Variants in CTNNA3 observed in about 807,000 individuals in gnomAD.
CTNNA3 encodes catenin alpha 3, also known as catenin alpha-3.
In CTNNA3, 76 loss-of-function variants were observed where a neutral mutation model predicts 95.7. The observed-to-expected ratio is 0.79, with a 90% CI of 0.66 to 0.96. The LOEUF (loss-of-function observed/expected upper bound fraction) is 0.96, where lower values mean the gene tolerates loss of function less well. CTNNA3 is among the 40% of genes least tolerant of loss of function. The pLI is 0.00. For missense variants in CTNNA3, 1,191 were observed against 1,089.8 expected (o/e 1.09, Z -1.31); for synonymous variants, 431 against 374.4 (o/e 1.15, Z -1.74).
intron 11 of CTNNA3, among the ~76,000 whole-genome samples, chr10:66,402,661 G>A (rs950797846): frequency 3.9e-5 from 6 of 152,116 alleles, no homozygotes; most frequent in African/African-American, 1.4e-4. Context: ...TAGGAACCTA[G>A]TTAGTCCTAG....
At chr10:67,329,603 T>G (rs1008184006) in intron 5 of CTNNA3, among the ~76,000 whole-genome samples, 4 of 152,224 alleles carry the variant, frequency 2.6e-5, no homozygotes, top group Non-Finnish European at 4.4e-5. Context: ...ATACATATTG[T>G]CACTGTTCTT....
intron 7 of CTNNA3, among the ~76,000 whole-genome samples, chr10:67,004,425 T>G (rs538483821): frequency 1.3e-5 from 2 of 152,348 alleles, no homozygotes; most frequent in South Asian, 4.1e-4. Context: ...TGATGACACA[T>G]GTAAGGACAG....
chr10:66,818,314 G>T (rs950333863), intron 7 of CTNNA3, among the ~76,000 whole-genome samples: 3 of 95,024 alleles, frequency 3.2e-5, no homozygotes, highest in Non-Finnish European at 6.7e-5. Flanking sequence ...AATAAAAGTA[G>T]TCTTTGGAAA....
chr10:66,714,859 T>C (rs1377917684), intron 9 of CTNNA3, among the ~76,000 whole-genome samples: 2 of 152,170 alleles, frequency 1.3e-5, no homozygotes, highest in African/African-American at 4.8e-5. Flanking sequence ...AAAACTTCTT[T>C]AATGAGTCTC....
intron 13 of CTNNA3, among the ~76,000 whole-genome samples, chr10:66,111,029 G>C (rs925447620): frequency 2.0e-5 from 3 of 152,166 alleles, no homozygotes; most frequent in African/African-American, 7.2e-5. Flanking sequence ...ACGATGTTAA[G>C]ATGGCTATGG....
chr10:67,636,582 T>C lies in CTNNA3; in HGVS notation c.99+10833A>G, dbSNP rs553466862. On this transcript the variant is annotated intron_variant, in intron 2 of 17. Coordinates refer to ENST00000433211, the MANE Select transcript of CTNNA3 (RefSeq NM_013266.4). Reference sequence around the variant, plus strand: ...CAAGCAATGGGGAAAAGATTTCCTATTTAATAAATAGTGCTGGGAGAACTG... The same window carrying C: ...CAAGCAATGGGGAAAAGATTTCCTACTTAATAAATAGTGCTGGGAGAACTG... 5.9e-5 allele frequency among the ~76,000 whole-genome samples: 9 copies of C among 152,318 alleles called. No individual in the cohort carries two copies. The South Asian group carries it at 1.9e-3, about 32-fold the overall frequency.
At chr10:66,637,235 T>C (rs1333226335) in intron 9 of CTNNA3, among the ~76,000 whole-genome samples, 1 of 152,240 alleles carries the variant, frequency 6.6e-6, no homozygotes, top group Non-Finnish European at 1.5e-5. Context: ...GAAAGTTACA[T>C]TGCATGTTAT....
chr10:67,109,589 A>T (rs1858813206), intron 7 of CTNNA3, among the ~76,000 whole-genome samples: 1 of 152,194 alleles, frequency 6.6e-6, no homozygotes, highest in African/African-American at 2.4e-5. Context: ...TCACGCCTGT[A>T]ATCCCAGCAC....
At chr10:66,514,782 T>C (rs868868785) in intron 11 of CTNNA3, among the ~76,000 whole-genome samples, 21 of 152,164 alleles carry the variant, frequency 1.4e-4, no homozygotes, top group South Asian at 8.3e-4. Context: ...TTCTTAGTAA[T>C]TGTTGAATAG....
chr10:67,761,041 G>A (rs924386325), intron 1 of CTNNA3, among the ~76,000 whole-genome samples: 4 of 152,154 alleles, frequency 2.6e-5, no homozygotes, highest in Non-Finnish European at 5.9e-5. Flanking sequence ...GTACCAAAAA[G>A]GTTAGCGACC....
chr10:67,067,118 T>C (rs1177691953), intron 7 of CTNNA3, among the ~76,000 whole-genome samples: 1 of 152,210 alleles, frequency 6.6e-6, no homozygotes, highest in Non-Finnish European at 1.5e-5. Context: ...AAAGTCATTA[T>C]GTATTCATAA....
At chr10:66,891,371 T>C (rs577184249) in intron 7 of CTNNA3, among the ~76,000 whole-genome samples, 12 of 152,336 alleles carry the variant, frequency 7.9e-5, no homozygotes, top group African/African-American at 2.6e-4. Flanking sequence ...ATAGCTCTCA[T>C]AAAGCAACTC....
intron 2 of CTNNA3, among the ~76,000 whole-genome samples, chr10:67,617,688 C>T (rs774417249): frequency 1.3e-5 from 2 of 151,748 alleles, no homozygotes; most frequent in Non-Finnish European, 2.9e-5. Context: ...CACTGTTTTC[C>T]ACAATGGTTG....
At chr10:67,376,774 A>T (rs559869745) in intron 5 of CTNNA3, among the ~76,000 whole-genome samples, 2 of 152,144 alleles carry the variant, frequency 1.3e-5, no homozygotes. Context: ...AATCTTGGAA[A>T]CCCTCTTAAG....
chr10:66,819,316 T>G (rs1208578691), intron 7 of CTNNA3, among the ~76,000 whole-genome samples: 1 of 152,064 alleles, frequency 6.6e-6, no homozygotes, highest in Non-Finnish European at 1.5e-5. Flanking sequence ...GATCTCTATC[T>G]TACCCCATAT....
chr10:66,697,827 T>C (rs956567595), intron 9 of CTNNA3, among the ~76,000 whole-genome samples: 1 of 152,120 alleles, frequency 6.6e-6, no homozygotes, highest in Admixed American at 6.6e-5. Flanking sequence ...AGAGATATAG[T>C]GTATAAACTG....
At chr10:66,764,039 A>G (rs139305210) in intron 9 of CTNNA3, among the ~76,000 whole-genome samples, 101 of 152,312 alleles carry the variant, frequency 6.6e-4, no homozygotes, top group Non-Finnish European at 1.5e-4. Context: ...ATGGTTTGTT[A>G]TATACTAAAA....
chr10:66,079,701 A>G (rs1285057338), intron 14 of CTNNA3, among the ~76,000 whole-genome samples: 3 of 151,706 alleles, frequency 2.0e-5, no homozygotes, highest in African/African-American at 7.3e-5. Context: ...ACATATGTCT[A>G]TATTATTATG....
At chr10:66,950,345 G>A (rs1398933783) in intron 7 of CTNNA3, among the ~76,000 whole-genome samples, 2 of 151,480 alleles carry the variant, frequency 1.3e-5, no homozygotes, top group Non-Finnish European at 2.9e-5. Context: ...ATTTTACAGG[G>A]AGGAAAAAAT....
Sources: gnomAD v4.1 joint callset for allele counts (sites outside exome capture counted in the v4.1 genomes callset) on GRCh38, gnomAD v4.1.1 for gene constraint, MANE v1.5 for transcripts, NCBI Gene and HGNC (gene_info 2026-07-23, HGNC 2026-07-21) for gene names.